The following ZNF793 variants were observed in gnomAD, a reference collection of about 807,000 sequenced individuals.
The protein encoded by ZNF793 is zinc finger protein 793.
In ZNF793, 5 loss-of-function variants were observed where a neutral mutation model predicts 12.4. The ratio of observed to expected loss-of-function variants is 0.40; its 90% CI spans 0.21 to 0.84. The LOEUF is 0.84. Among genes scored for constraint, ZNF793 ranks in the 40% least tolerant of loss-of-function variants. The pLI, the probability that ZNF793 is intolerant of heterozygous loss-of-function variation, is 0.35. For synonymous variants in ZNF793, 162 were observed against 172.4 expected (o/e 0.94, Z 0.47); for missense variants, 456 against 495.0 (o/e 0.92, Z 0.75).
intron 5 of ZNF793, among the ~76,000 whole-genome samples, chr19:37,524,606 T>G (rs902031284): frequency 6.6e-6 from 1 of 152,174 alleles, no homozygotes; most frequent in Non-Finnish European, 1.5e-5. Flanking sequence ...AGTGGAAAAT[T>G]AGCATTTCAA....
chr19:37,537,275 A>G lies in ZNF793; in HGVS notation c.617A>G (p.Lys206Arg). 1 of 1,613,884 alleles carries G rather than the reference A, an allele frequency of 6.2e-7. No homozygotes were observed. Among genetic ancestry groups the G allele is most frequent in the Non-Finnish European group, 8.5e-7 (1 of 1,179,880 alleles). ...ACCCAGAACCCGGCACTTATGTATA[A>G]ACCAGCAGTAAGTGATTCTCTCTTG... ...AFTQNPALMY[K>R]PAVSDSLLYK... Residue 206 changes from lysine to arginine, a missense_variant, in exon 8 of 8, where the codon AAA (lysine) becomes AGA (arginine). By Grantham distance (26) the Lys-to-Arg change is conservative (BLOSUM62 2). Coordinates refer to ENST00000627814, the MANE Select transcript of ZNF793 (RefSeq NM_001013659.3).
Position 37,530,238 on chromosome 19 carries a change from TA to T in ZNF793, c.16-2117del, listed in dbSNP as rs571735542. Among the ~76,000 whole-genome samples the T allele has an allele frequency of 2.0e-5, 3 of 152,224 alleles. No homozygotes were observed. The South Asian group carries it at 6.2e-4, about 32-fold the overall frequency. ...AGATGGAATATACAATCGGGTTTTA[TA>T]CCGAGACATTCCATTGCCCAGGGAC... On this transcript the variant is annotated intron_variant, in intron 5 of 7. Transcript: ENST00000627814.
In ZNF793 at chr19:37,542,444, CT is replaced by C; in HGVS notation, c.*4568del. 2.4e-6 allele frequency: 1 copy of C among 413,702 alleles called. No individual in the cohort carries two copies. The highest frequency in any genetic ancestry group is 4.8e-6 in the Non-Finnish European group (1 of 206,920). The allele number at this position is 413,702 out of a possible 1,614,324, so 25.6% of individuals were successfully genotyped here. ...TAATATTATTAAAATATTTATGTCA[CT>C]TTGGAGAATCTTCCCTTAGAAGTAA... On this transcript the variant is annotated 3_prime_UTR_variant, in exon 8 of 8. Transcript: ENST00000627814.
At chr19:37,533,763 C>T in intron 7 of ZNF793, 1 of 454,776 alleles carries the variant, frequency 2.2e-6, no homozygotes, top group Non-Finnish European at 3.9e-6. Flanking sequence ...TTTCTGCACT[C>T]AAATTTAAAT....
chr19:37,530,291 G>T (rs918351099), intron 5 of ZNF793, among the ~76,000 whole-genome samples: 3 of 151,822 alleles, frequency 2.0e-5, no homozygotes, highest in African/African-American at 7.3e-5. Context: ...CCTTCCTCTT[G>T]TCTCAACTGC....
intron 3 of ZNF793, among the ~76,000 whole-genome samples, chr19:37,520,625 G>T (rs1484959391): frequency 6.6e-6 from 1 of 152,176 alleles, no homozygotes; most frequent in African/African-American, 2.4e-5. Flanking sequence ...TCTCATGGCG[G>T]GTGCGATAGG....
intron 2 of ZNF793, among the ~76,000 whole-genome samples, chr19:37,515,387 A>G (rs2042323531): frequency 6.6e-6 from 1 of 151,288 alleles, no homozygotes; most frequent in Admixed American, 6.6e-5. Flanking sequence ...AGCTCACTGC[A>G]AGCTCCGCTT....
chr19:37,518,767 C>G (rs1199607563), intron 2 of ZNF793, among the ~76,000 whole-genome samples: 1 of 149,866 alleles, frequency 6.7e-6, no homozygotes, highest in Non-Finnish European at 1.5e-5. Context: ...CCACTGTACT[C>G]CAGCCTATCT....
intron 6 of ZNF793, 112 bp from the exon 7 acceptor site, chr19:37,533,196 T>C (rs1001212777): frequency 2.5e-6 from 2 of 809,940 alleles, no homozygotes; most frequent in African/African-American, 1.7e-5. Flanking sequence ...ACAAGGTGTG[T>C]GTTTAGTCCC....
At chr19:37,525,009 TTCTA>T (rs1035355386) in intron 5 of ZNF793, among the ~76,000 whole-genome samples, 4 of 152,210 alleles carry the variant, frequency 2.6e-5, no homozygotes, top group Non-Finnish European at 5.9e-5. Flanking sequence ...CGACAATGTT[TTCTA>T]TCTGTGTCAA....
At position 37,542,602 on chromosome 19, in the gene ZNF793, A is replaced by G. The variant is rs58208767; in HGVS notation, c.*4723A>G. On this transcript the variant is annotated 3_prime_UTR_variant, in exon 8 of 8. Transcript: ENST00000627814. ...CAAAGTAAATACCCATCAACTGGGAAATTGTAGAAAGGAAAAAACTATAGT... is the reference window on the plus strand; with the variant it reads ...CAAAGTAAATACCCATCAACTGGGAGATTGTAGAAAGGAAAAAACTATAGT... 61 of 262,398 alleles carry G rather than the reference A, an allele frequency of 2.3e-4. No homozygotes were observed. Among genetic ancestry groups the G allele is most frequent in the African/African-American group, 1.3e-3 (61 of 45,232 alleles). The allele number at this position is 262,398 out of a possible 1,614,324, so 16.3% of individuals were successfully genotyped here.
chr19:37,535,715 G>A (rs1242442426), intron 7 of ZNF793: 2 of 151,740 alleles, frequency 1.3e-5, no homozygotes, highest in Non-Finnish European at 2.9e-5. Context: ...GTAGAGACTG[G>A]GTTTCATCAT....
In ZNF793 at chr19:37,540,394, C is replaced by T. The variant is rs2042544594; in HGVS notation, c.*2515C>T. ...CAAAGAGTGACATAGTAAGAGTCAT[C>T]CCAAGAATGCCAAACCAGTTCAGTT... On this transcript the variant is annotated 3_prime_UTR_variant, in exon 8 of 8. Coordinates refer to ENST00000627814, the MANE Select transcript of ZNF793 (RefSeq NM_001013659.3). The T allele has an allele frequency of 6.6e-6, 1 of 151,230 alleles. No homozygotes were observed. The highest frequency in any genetic ancestry group is 1.5e-5 in the Non-Finnish European group (1 of 67,830). 9.4% of individuals were successfully genotyped at this position (151,230 alleles called of 1,614,324 possible).
At chr19:37,522,909 G>A (rs760342592) in intron 4 of ZNF793, among the ~76,000 whole-genome samples, 10 of 152,044 alleles carry the variant, frequency 6.6e-5, no homozygotes, top group Non-Finnish European at 1.0e-4. Context: ...TTGGGGTGTG[G>A]GGCATTTAGA....
At chr19:37,528,121 T>G (rs1170856670) in intron 5 of ZNF793, among the ~76,000 whole-genome samples, 1 of 151,838 alleles carries the variant, frequency 6.6e-6, no homozygotes, top group Non-Finnish European at 1.5e-5. Context: ...ACAGCAAGAC[T>G]CCATCTCAAA....
chr19:37,522,895 T>G lies in ZNF793; in HGVS notation c.-31+248T>G, dbSNP rs531612450. Among the ~76,000 whole-genome samples the G allele has an allele frequency of 1.2e-4, 18 of 152,344 alleles. No homozygotes were observed. The South Asian group carries it at 3.7e-3, about 32-fold the overall frequency. The stretch of plus-strand genomic sequence containing the variant: ...TTCTTTTCCTTTTATAATCATTAAA[T>G]GTCTTGGGGTGTGGGGCATTTAGAT... On this transcript the variant is annotated intron_variant, in intron 4 of 7. Transcript: ENST00000627814.
chr19:37,541,186 AT>A lies in ZNF793; in HGVS notation c.*3309del, dbSNP rs2042549593. On this transcript the variant is annotated 3_prime_UTR_variant, in exon 8 of 8. Transcript: ENST00000627814. ...GAAAAGAGTAGTTTACTTAAAAAGA[AT>A]TCTGGAACAGAACCTTTTAATCTTA... 3.0e-4 allele frequency: 1 copy of A among 3,316 alleles called. No homozygotes were observed. The highest frequency in any genetic ancestry group is 5.3e-4 in the Non-Finnish European group (1 of 1,902). The allele number at this position is 3,316 out of a possible 1,614,324, so 0.2% of individuals were successfully genotyped here. A position where few individuals can be genotyped will look rare whatever the true frequency, so the allele number is the denominator to read the frequency against.
chr19:37,542,613 G>A lies in ZNF793; in HGVS notation c.*4734G>A. ...CCCATCAACTGGGAAATTGTAGAAA[G>A]GAAAAAACTATAGTGTATCCATTCC... On this transcript the variant is annotated 3_prime_UTR_variant, in exon 8 of 8. Coordinates refer to ENST00000627814, the MANE Select transcript of ZNF793 (RefSeq NM_001013659.3). 3.9e-6 allele frequency: 1 copy of A among 254,610 alleles called. No individual in the cohort carries two copies. The highest frequency in any genetic ancestry group is 8.1e-6 in the Non-Finnish European group (1 of 123,790). The allele number at this position is 254,610 out of a possible 1,614,324, so 15.8% of individuals were successfully genotyped here.
intron 2 of ZNF793, among the ~76,000 whole-genome samples, chr19:37,518,841 G>A (rs1475476347): frequency 6.7e-6 from 1 of 149,684 alleles, no homozygotes; most frequent in Admixed American, 6.7e-5. Flanking sequence ...ATTGCTTCCA[G>A]TTGTTTTACT....
Sources: gnomAD v4.1 joint callset for allele counts (sites outside exome capture counted in the v4.1 genomes callset) on GRCh38, gnomAD v4.1.1 for gene constraint, MANE v1.5 for transcripts, NCBI Gene and HGNC (gene_info 2026-07-23, HGNC 2026-07-21) for gene names.